Variants in SOD2 observed in about 807,000 individuals in gnomAD.
SOD2 encodes the protein superoxide dismutase [Mn], mitochondrial.
SOD2 carries 11 observed loss-of-function variants against 27.0 expected under a neutral mutation model. That is an observed-to-expected ratio of 0.41 (90% CI 0.26 to 0.67). The LOEUF (loss-of-function observed/expected upper bound fraction) is 0.67, where lower values mean the gene tolerates loss of function less well. SOD2 is among the 30% of genes least tolerant of loss of function. The pLI, the probability that SOD2 is intolerant of heterozygous loss-of-function variation, is 0.34. For missense variants in SOD2, 250 were observed against 274.5 expected (o/e 0.91, Z 0.63); for synonymous variants, 105 against 103.0 (o/e 1.02, Z -0.12).
At position 159,692,671 on chromosome 6, in the gene SOD2, C is replaced by T. The variant is rs200264201; in HGVS notation, c.216G>A (p.Ala72=). 534 of 1,613,802 alleles carry T rather than the reference C, an allele frequency of 3.3e-4. 1 individual carries two copies. Among genetic ancestry groups the T allele is most frequent in the Non-Finnish European group, 2.8e-4 (330 of 1,179,944 alleles). Residue 72 remains alanine, a synonymous_variant, in exon 2 of 5, where the codon GCG becomes GCA. Coordinates refer to ENST00000538183, the MANE Select transcript of SOD2 (RefSeq NM_000636.4). The stretch of plus-strand genomic sequence containing the variant: ...CAGCCTGGAACCTACCCTTGGCCAA[C>T]GCCTCCTGGTACTTCTCCTCGGTGA... ...LNVTEEKYQE[A]LAKGDVTAQI...
intron 1 of SOD2, among the ~76,000 whole-genome samples, chr6:159,760,021 G>A (rs1780090356): frequency 6.6e-6 from 1 of 152,234 alleles, no homozygotes; most frequent in East Asian, 1.9e-4. Flanking sequence ...ATCTTGGAAA[G>A]CTTATGTAGT....
chr6:159,741,971 TG>T, intron 1 of SOD2: 1 of 783,648 alleles, frequency 1.3e-6, no homozygotes, highest in Non-Finnish European at 2.0e-6. Flanking sequence ...AGATTTAAAA[TG>T]AAAAATCCAG....
intron 1 of SOD2, among the ~76,000 whole-genome samples, chr6:159,744,731 C>G (rs936288988): frequency 6.6e-6 from 1 of 152,158 alleles, no homozygotes; most frequent in Non-Finnish European, 1.5e-5. Context: ...ACCCCCCCGC[C>G]CTTTTCTTGA....
intron 2 of SOD2, chr6:159,692,089 A>T: frequency 6.1e-6 from 1 of 163,160 alleles, no homozygotes; most frequent in Non-Finnish European, 1.3e-5. Flanking sequence ...GGTTCCTAGC[A>T]CGGAGTAGTG....
chr6:159,760,673 C>G (rs1256746626), intron 1 of SOD2: 1 of 152,160 alleles, frequency 6.6e-6, no homozygotes, highest in Non-Finnish European at 1.5e-5. Flanking sequence ...GTGATTGATG[C>G]CGTAGGAATG....
chr6:159,682,288 C>T lies in SOD2; in HGVS notation c.*205G>A, dbSNP rs972424907. ...AAATGTCCAATCAGATTCAATCACA[C>T]AAAGCATTTACTATTTTCAATCACT... is the stretch of plus-strand genomic sequence containing the variant. On this transcript the variant is annotated 3_prime_UTR_variant, in exon 5 of 5. Coordinates refer to ENST00000538183, the MANE Select transcript of SOD2 (RefSeq NM_000636.4). The T allele has an allele frequency of 1.6e-5, 7 of 427,112 alleles. No individual in the cohort carries two copies. Among genetic ancestry groups the T allele is most frequent in the African/African-American group, 4.1e-5 (2 of 48,708 alleles). 26.5% of individuals were successfully genotyped at this position (427,112 alleles called of 1,614,324 possible).
intron 1 of SOD2, chr6:159,755,440 C>T (rs771794184): frequency 3.7e-6 from 6 of 1,613,750 alleles, no homozygotes; most frequent in Non-Finnish European, 4.2e-6. Flanking sequence ...AAAGTGTAGA[C>T]TCTCCCACGG....
rs933450327 is a variant in SOD2, at chr6:159,673,580, T to G, written c.*8913A>C. On this transcript the variant is annotated 3_prime_UTR_variant, in exon 5 of 5. Transcript: ENST00000538183. ...CAAAGACACAACATACCAGAATCTC[T>G]GGGACACATTTAAAGCAGTGTGTAG... 1 of 152,086 alleles carries G rather than the reference T, an allele frequency of 6.6e-6. No homozygotes were observed. The highest frequency in any genetic ancestry group is 1.5e-5 in the Non-Finnish European group (1 of 68,022). 9.4% of individuals were successfully genotyped at this position (152,086 alleles called of 1,614,324 possible).
rs1779975178 is a variant in SOD2, at chr6:159,681,815, TCTC to T, written c.*675_*677del. ...GGGTCTCAAGCATGAGCTGCCCAATTCTCCTTGCTTGGCGCCCTGCAAATAAAC... is the reference window on the plus strand; with the variant it reads ...GGGTCTCAAGCATGAGCTGCCCAATTCTTGCTTGGCGCCCTGCAAATAAAC... On this transcript the variant is annotated 3_prime_UTR_variant, in exon 5 of 5. Coordinates refer to ENST00000538183, the MANE Select transcript of SOD2 (RefSeq NM_000636.4). 6.6e-6 allele frequency: 1 copy of T among 152,118 alleles called. No individual in the cohort carries two copies. The allele number at this position is 152,118 out of a possible 1,614,324, so 9.4% of individuals were successfully genotyped here. A position where few individuals can be genotyped will look rare whatever the true frequency, so the allele number is the denominator to read the frequency against.
At chr6:159,726,768 G>A in intron 1 of SOD2, 1 of 1,288,876 alleles carries the variant, frequency 7.8e-7, no homozygotes, top group Non-Finnish European at 1.0e-6. Flanking sequence ...GAGATGTCAA[G>A]GAGGAACGAA....
At chr6:159,762,072 C>T in exon 1 of SOD2, 7 of 1,612,326 alleles carry the variant, frequency 4.3e-6, no homozygotes, top group Non-Finnish European at 5.9e-6. Context: ...GGGCAGACGG[C>T]GGCAGGAGAA....
intron 1 of SOD2, among the ~76,000 whole-genome samples, chr6:159,702,100 A>G (rs1408252726): frequency 6.6e-6 from 1 of 152,192 alleles, no homozygotes; most frequent in Non-Finnish European, 1.5e-5. Context: ...ACCTTACTTT[A>G]TCATATAAAT....
intron 1 of SOD2, chr6:159,760,909 G>C (rs1003469755): frequency 1.3e-5 from 2 of 152,274 alleles, no homozygotes; most frequent in African/African-American, 4.8e-5. Context: ...GTGTGCTGCT[G>C]AGTTCTTAGC....
At chr6:159,736,975 T>A (rs1193439314) in intron 1 of SOD2, among the ~76,000 whole-genome samples, 1 of 152,218 alleles carries the variant, frequency 6.6e-6, no homozygotes. Context: ...GGAGTCAGAT[T>A]ACTCATTAAA....
At position 159,672,409 on chromosome 6, in the gene SOD2, C is replaced by A. The variant is rs1342595799; in HGVS notation, c.*10084G>T. The A allele has an allele frequency of 6.6e-6, 1 of 152,212 alleles. No individual in the cohort carries two copies. Among genetic ancestry groups the A allele is most frequent in the African/African-American group, 2.4e-5 (1 of 41,432 alleles). 9.4% of individuals were successfully genotyped at this position (152,212 alleles called of 1,614,324 possible). A position where few individuals can be genotyped will look rare whatever the true frequency, so the allele number is the denominator to read the frequency against. On this transcript the variant is annotated 3_prime_UTR_variant, in exon 5 of 5. Coordinates refer to ENST00000538183, the MANE Select transcript of SOD2 (RefSeq NM_000636.4). ...AGCTGATCTCTCAGCAGAAACTCTACAAGCCAGAAGAGAGTGGGGGTCAAT... is the reference window on the plus strand; with the variant it reads ...AGCTGATCTCTCAGCAGAAACTCTAAAAGCCAGAAGAGAGTGGGGGTCAAT...
At chr6:159,690,976 T>C (rs1396524986) in intron 2 of SOD2, 1 of 152,166 alleles carries the variant, frequency 6.6e-6, no homozygotes, top group Non-Finnish European at 1.5e-5. Context: ...ATGACATTGT[T>C]TTATCTTTTT....
chr6:159,748,815 G>A (rs954356666), upstream of SOD2: 7 of 1,230,692 alleles, frequency 5.7e-6, no homozygotes, highest in South Asian at 2.5e-4. This position sits in a 1 kb window ranked among gnomAD's most constrained non-coding sequence, Gnocchi z 5.6. Context: ...ATGTAAAAAC[G>A]GAATATGCAT....
At chr6:159,730,558 T>C (rs1778503580), upstream of SOD2, among the ~76,000 whole-genome samples, 1 of 152,260 alleles carries the variant, frequency 6.6e-6, no homozygotes, top group South Asian at 2.1e-4. Flanking sequence ...TTGTAGACAG[T>C]TGTAAATTTT....
intron 1 of SOD2, among the ~76,000 whole-genome samples, chr6:159,698,756 A>AT (rs1034520498): frequency 6.6e-6 from 1 of 151,946 alleles, no homozygotes; most frequent in Non-Finnish European, 1.5e-5. Context: ...ATTAGCACAT[A>AT]TTTTTTATGA....
Sources: gnomAD v4.1 joint callset for allele counts (sites outside exome capture counted in the v4.1 genomes callset) on GRCh38, gnomAD v4.1.1 for gene constraint, Gnocchi (gnomAD v3.1) non-coding constraint, MANE v1.5 for transcripts, NCBI Gene and HGNC (gene_info 2026-07-23, HGNC 2026-07-21) for gene names.